FLT4: variants seen among roughly 807,000 people sequenced by gnomAD.
The protein encoded by FLT4 is vascular endothelial growth factor receptor 3.
Under a neutral mutation model 163.2 loss-of-function variants are expected in FLT4, and 30 were observed. That is an observed-to-expected ratio of 0.18 (90% CI 0.14 to 0.25). The LOEUF is 0.25. Among genes scored for constraint, FLT4 ranks in the 10% least tolerant of loss-of-function variants. FLT4 has a pLI of 1.00. For synonymous variants in FLT4, 884 were observed against 789.5 expected, an observed-to-expected ratio of 1.12 and a Z score of -2.01; for missense variants, 1,510 against 1,863.8, an observed-to-expected ratio of 0.81 and a Z score of 3.50.
chr5:180,607,509 C>T (rs544587321), intron 29 of FLT4, among the ~76,000 whole-genome samples: 6 of 151,844 alleles, frequency 4.0e-5, no homozygotes, highest in South Asian at 2.1e-4. Context: ...GGCGTGGTGG[C>T]GGGTGCCTGT....
In FLT4 at chr5:180,602,486, A is replaced by G. The variant is rs1761565100; in HGVS notation, c.*706T>C. ...AAAGCAAATTCTTCTCAGCAGCTCT[A>G]ACAGTCTGTGAAGTTCTGTTGAAAA... On this transcript the variant is annotated 3_prime_UTR_variant, in exon 30 of 30. Coordinates refer to ENST00000261937, the MANE Select transcript of FLT4 (RefSeq NM_182925.5). 1 of 398,360 alleles carries G rather than the reference A, an allele frequency of 2.5e-6. No homozygotes were observed. Among genetic ancestry groups the G allele is most frequent in the Admixed American group, 4.4e-5 (1 of 22,786 alleles). 24.7% of individuals were successfully genotyped at this position (398,360 alleles called of 1,614,324 possible). A position where few individuals can be genotyped will look rare whatever the true frequency, so the allele number is the denominator to read the frequency against.
At position 180,605,509 on chromosome 5, in the gene FLT4, G is replaced by C. The variant is rs968122445; in HGVS notation, c.3894-2119C>G. Among the ~76,000 whole-genome samples the C allele has an allele frequency of 3.9e-5, 6 of 152,106 alleles. No individual in the cohort carries two copies. In the East Asian group the frequency reaches 1.2e-3, roughly 29 times the overall value. The stretch of plus-strand genomic sequence containing the variant: ...TTATTCCTATAACTTTGTATGGAGG[G>C]TGCTTTTTTGGGGGTTCAGGATTAT... On this transcript the variant is annotated intron_variant, in intron 29 of 29. Transcript: ENST00000261937.
Position 180,630,248 on chromosome 5 carries a change from C to CGG in FLT4, c.488_489dup (p.Gly164ProfsTer82). The stretch of plus-strand genomic sequence containing the variant: ...ACCGAGCGCAGCGTGACATTGAGGC[C>CGG]GGGGATGGACACCAGACAGGGCACC... On this transcript the variant is annotated frameshift_variant, in exon 4 of 30. Transcript: ENST00000261937. LOFTEE classifies it high-confidence loss of function. This position sits in a 1 kb window ranked among gnomAD's most constrained non-coding sequence, Gnocchi z 6.3. The CGG allele has an allele frequency of 6.2e-7, 1 of 1,612,422 alleles. No homozygotes were observed. The highest frequency in any genetic ancestry group is 8.5e-7 in the Non-Finnish European group (1 of 1,179,792).
At chr5:180,640,202 C>G (rs184197120) in intron 1 of FLT4, among the ~76,000 whole-genome samples, 130 of 152,214 alleles carry the variant, frequency 8.5e-4, no homozygotes, top group African/African-American at 3.0e-3. Flanking sequence ...TAGCAGCGAG[C>G]GAGGTGGGGG....
At chr5:180,642,185 C>T (rs530131258) in intron 1 of FLT4, among the ~76,000 whole-genome samples, 6 of 147,770 alleles carry the variant, frequency 4.1e-5, no homozygotes, top group Non-Finnish European at 5.9e-5. Context: ...CCAGCTTGGG[C>T]GACAGAGTGA....
At position 180,620,739 on chromosome 5, in the gene FLT4, C is replaced by T. The variant is rs1763068533; in HGVS notation, c.2300-24G>A. ...GCCTGCGTGGGCAGAAAGGGGCCGG[C>T]GTGTGTGTGTGTGTGTGTAAGAGCG... is the stretch of plus-strand genomic sequence containing the variant. On this transcript the variant is annotated intron_variant, in intron 15 of 29. Transcript: ENST00000261937. This position sits in a 1 kb window ranked among gnomAD's most constrained non-coding sequence, Gnocchi z 4.4. 10 of 1,533,672 alleles carry T rather than the reference C, an allele frequency of 6.5e-6. No individual in the cohort carries two copies. Among genetic ancestry groups the T allele is most frequent in the Non-Finnish European group, 7.2e-6 (8 of 1,114,220 alleles).
At chr5:180,637,130 G>A (rs1026694214) in intron 1 of FLT4, among the ~76,000 whole-genome samples, 7 of 151,826 alleles carry the variant, frequency 4.6e-5, no homozygotes, top group Non-Finnish European at 7.4e-5. Flanking sequence ...TGAGGCGGGC[G>A]GACCATCCTG....
chr5:180,644,781 A>G (rs533092799), intron 1 of FLT4, among the ~76,000 whole-genome samples: 2 of 152,396 alleles, frequency 1.3e-5, no homozygotes, highest in South Asian at 2.1e-4. Context: ...GCTTAAAACA[A>G]ATCAATCTCC....
intron 1 of FLT4, among the ~76,000 whole-genome samples, chr5:180,649,259 C>T (rs1765633046): frequency 6.6e-6 from 1 of 151,840 alleles, no homozygotes; most frequent in South Asian, 2.1e-4. Flanking sequence ...TGCGCCGAGG[C>T]GCGGCCCGGC....
At chr5:180,607,920 C>T in intron 29 of FLT4, 1 of 599,550 alleles carries the variant, frequency 1.7e-6, no homozygotes, top group Non-Finnish European at 3.0e-6. Flanking sequence ...CGCTTGAGGG[C>T]TCTTTGGTCA....
chr5:180,631,317 C>CA, intron 2 of FLT4, among the ~76,000 whole-genome samples: 1 of 151,986 alleles, frequency 6.6e-6, no homozygotes, highest in East Asian at 1.9e-4. Flanking sequence ...ACTACAAATA[C>CA]AAAAAATTAG....
Position 180,620,373 on chromosome 5 carries a change from G to A in FLT4, c.2407-65C>T. The A allele has an allele frequency of 1.3e-6, 2 of 1,594,428 alleles. No homozygotes were observed. ...ATTTGGCCATACCACTGTGGCTTGG[G>A]CAGAACTTTGCCCAGGACAGATGGC... On this transcript the variant is annotated intron_variant, in intron 16 of 29. Transcript: ENST00000261937. This position sits in a 1 kb window ranked among gnomAD's most constrained non-coding sequence, Gnocchi z 4.4.
chr5:180,612,956 C>A, intron 25 of FLT4, 55 bp downstream of exon 25: 5 of 1,386,468 alleles, frequency 3.6e-6, no homozygotes, highest in Non-Finnish European at 5.1e-6. Flanking sequence ...GACACAACCC[C>A]CACGCCCCCG....
chr5:180,647,258 CTG>C (rs1274775644), intron 1 of FLT4, among the ~76,000 whole-genome samples: 1 of 152,196 alleles, frequency 6.6e-6, no homozygotes, highest in Non-Finnish European at 1.5e-5. Flanking sequence ...TGGGGCAAGA[CTG>C]TGGAACTGCA....
At chr5:180,633,602 C>A (rs1323895376) in intron 1 of FLT4, among the ~76,000 whole-genome samples, 1 of 152,164 alleles carries the variant, frequency 6.6e-6, no homozygotes, top group Non-Finnish European at 1.5e-5. Context: ...GAGGTGGCTC[C>A]CCTCAGGTGG....
intron 7 of FLT4, 113 bp downstream of exon 7, chr5:180,629,146 C>T (rs898967033): frequency 2.1e-5 from 31 of 1,481,640 alleles, no homozygotes; most frequent in South Asian, 4.5e-5. Context: ...CTGGGCAGCT[C>T]CTCTGCTCGT....
At chr5:180,612,818 C>T (rs1046945262) in intron 25 of FLT4, among the ~76,000 whole-genome samples, 193 bp downstream of exon 25, 6 of 152,146 alleles carry the variant, frequency 3.9e-5, no homozygotes, top group African/African-American at 1.2e-4. Flanking sequence ...GGCTCTGTTC[C>T]GACAGCGCCC....
intron 1 of FLT4, among the ~76,000 whole-genome samples, chr5:180,632,615 TG>T (rs1190518315): frequency 7.1e-6 from 1 of 140,964 alleles, no homozygotes. Flanking sequence ...TGTGTGTGTG[TG>T]TGTGTGTGTG....
intron 29 of FLT4, chr5:180,608,013 G>T (rs959807319): frequency 2.9e-6 from 2 of 686,564 alleles, no homozygotes; most frequent in Non-Finnish European, 5.3e-6. Context: ...AGGAGTCAGG[G>T]AACACTCTGC....
Sources: allele counts gnomAD v4.1 joint callset (sites outside exome capture counted in the v4.1 genomes callset), GRCh38; gene constraint gnomAD v4.1.1; non-coding constraint Gnocchi (gnomAD v3.1); transcripts MANE v1.5; gene names NCBI Gene and HGNC (gene_info 2026-07-23, HGNC 2026-07-21).